BAHCC1: variants seen among roughly 807,000 people sequenced by gnomAD.
BAHCC1 encodes BAH and coiled-coil domain-containing protein 1.
A neutral mutation model predicts 88.2 loss-of-function variants in BAHCC1; 43 were observed. The observed-to-expected ratio is 0.49, with a 90% CI of 0.38 to 0.63. The LOEUF is 0.63. Among genes scored for constraint, BAHCC1 ranks in the 20% least tolerant of loss-of-function variants. The pLI is 0.00. For synonymous variants in BAHCC1, 1,510 were observed against 745.5 expected (o/e 2.03, Z -16.71); for missense variants, 3,023 against 1,654.8 (o/e 1.83, Z -14.34).
chr17:81,418,345 G>C lies in BAHCC1; in HGVS notation c.179-8455G>C, dbSNP rs573534623. Among the ~76,000 whole-genome samples, 5 of 152,298 alleles carry C rather than the reference G, an allele frequency of 3.3e-5. No homozygotes were observed. In the East Asian group the frequency reaches 9.6e-4, roughly 29 times the overall value. On this transcript the variant is annotated intron_variant, in intron 2 of 27. Transcript: ENST00000675386. Reference sequence around the variant, plus strand: ...CTGGGCCTGGCCACGTGACCTGTTGGCTGCCCGCCAGAATCTACAAGACTC... The same window carrying C: ...CTGGGCCTGGCCACGTGACCTGTTGCCTGCCCGCCAGAATCTACAAGACTC...
chr17:81,418,717 A>G (rs2064066954), intron 2 of BAHCC1, among the ~76,000 whole-genome samples: 1 of 152,010 alleles, frequency 6.6e-6, no homozygotes, highest in South Asian at 2.1e-4. Context: ...CCCATGCCCG[A>G]GAACAGAGTC....
At chr17:81,421,905 C>T in intron 2 of BAHCC1, 2 of 392,842 alleles carry the variant, frequency 5.1e-6, no homozygotes, top group South Asian at 3.6e-5. Context: ...GCATGCGACC[C>T]CATGTGATAC....
At chr17:81,400,352 G>C (rs1010859723) in intron 2 of BAHCC1, among the ~76,000 whole-genome samples, 6 of 152,134 alleles carry the variant, frequency 3.9e-5, no homozygotes, top group Non-Finnish European at 5.9e-5. Context: ...GGTACGCCGC[G>C]GCCTCGCGGA....
At chr17:81,432,431 G>A (rs1054784950) in intron 3 of BAHCC1, among the ~76,000 whole-genome samples, 29 of 152,144 alleles carry the variant, frequency 1.9e-4, no homozygotes, top group Middle Eastern at 3.4e-3. Context: ...CCAGGGTGCC[G>A]GCGAAGGTTT....
At chr17:81,439,326 T>A (rs747123468) in intron 4 of BAHCC1, among the ~76,000 whole-genome samples, 9 of 152,178 alleles carry the variant, frequency 5.9e-5, no homozygotes, top group Non-Finnish European at 8.8e-5. Flanking sequence ...TGAGAAGCGA[T>A]ACAGGTGTGG....
chr17:81,408,069 G>A (rs1403877131), intron 2 of BAHCC1, among the ~76,000 whole-genome samples: 3 of 152,180 alleles, frequency 2.0e-5, no homozygotes, highest in African/African-American at 7.2e-5. Flanking sequence ...TCCCTTCAGC[G>A]CCTTCCCCGG....
At chr17:81,438,880 C>G (rs1231414827) in intron 4 of BAHCC1, among the ~76,000 whole-genome samples, 1 of 152,096 alleles carries the variant, frequency 6.6e-6, no homozygotes, top group Non-Finnish European at 1.5e-5. Flanking sequence ...CCTGTGGGGG[C>G]TGGAGGAAGC....
At chr17:81,406,584 G>A (rs1287900179) in intron 2 of BAHCC1, among the ~76,000 whole-genome samples, 55 of 152,230 alleles carry the variant, frequency 3.6e-4, no homozygotes, top group Non-Finnish European at 2.2e-4. Context: ...CACTCCGCTC[G>A]GGCTCCGCCC....
chr17:81,429,953 C>T (rs999550326), intron 3 of BAHCC1, among the ~76,000 whole-genome samples: 3 of 152,298 alleles, frequency 2.0e-5, no homozygotes, highest in East Asian at 3.9e-4. Context: ...AGAGGCAGCC[C>T]GGAGCTGGAG....
chr17:81,458,994 A>C, intron 20 of BAHCC1, 25 bp downstream of exon 20: 1 of 709,542 alleles, frequency 1.4e-6, no homozygotes, highest in Non-Finnish European at 2.6e-6. Flanking sequence ...GAAGGGTGCC[A>C]GCCGCCTGGG....
intron 2 of BAHCC1, chr17:81,402,284 G>A (rs1450704357): frequency 6.6e-6 from 1 of 152,238 alleles, no homozygotes; most frequent in Non-Finnish European, 1.5e-5. Context: ...CCAGCTAGAA[G>A]CATCTGTAGC....
intron 14 of BAHCC1, among the ~76,000 whole-genome samples, chr17:81,454,568 ACCCCCGC>A (rs1313922784): frequency 2.3e-5 from 1 of 42,656 alleles, no homozygotes; most frequent in East Asian, 6.2e-4. Flanking sequence ...ACCTGCCCCT[ACCCCCGC>A]CCCTGGTGGG....
rs201149766 is a variant in BAHCC1 at position 81,460,658 on chromosome 17, G to A, written c.6154G>A (p.Glu2052Lys). 193 of 772,096 alleles carry A rather than the reference G, an allele frequency of 2.5e-4. No individual in the cohort carries two copies. The highest frequency in any genetic ancestry group is 4.0e-4 in the Non-Finnish European group (166 of 414,290). 47.8% of individuals were successfully genotyped at this position (772,096 alleles called of 1,614,324 possible). The change falls in exon 25 of 28, where the codon GAA becomes AAA. Residue 2052 changes from glutamate (E) to lysine (K), a missense_variant. Coordinates refer to ENST00000675386, the MANE Select transcript of BAHCC1 (RefSeq NM_001377448.1). Reference sequence around the variant, plus strand: ...GTCCCCCAAAGCACAGGACGGCCCCGAAGCTTTGAAGACACCTGGGAAAAA... The same window carrying A: ...GTCCCCCAAAGCACAGGACGGCCCCAAAGCTTTGAAGACACCTGGGAAAAA... ...SLSPKAQDGP[E>K]ALKTPGKKSI...
In BAHCC1 at chr17:81,434,467, C is replaced by T. The variant is rs371835848; in HGVS notation, c.359-3903C>T. Among the ~76,000 whole-genome samples the T allele has an allele frequency of 6.6e-6, 1 of 152,200 alleles. No homozygotes were observed. The highest frequency in any genetic ancestry group is 2.4e-5 in the African/African-American group (1 of 41,446). ...AGAAGGTTTTGTCCTCAAAGGCGTG[C>T]GGGCTGGGGCAGGGCGCTCGAGGTG... On this transcript the variant is annotated intron_variant, in intron 3 of 27. Transcript: ENST00000675386. The surrounding 1 kb of genome is among the most constrained non-coding windows in gnomAD (Gnocchi z 4.9).
chr17:81,418,617 G>C (rs74002266), intron 2 of BAHCC1, among the ~76,000 whole-genome samples: 1,922 of 152,270 alleles, frequency 0.013, 43 homozygotes, highest in African/African-American at 0.045. Context: ...AAGAGCCCTT[G>C]CCAAGGTTCA....
chr17:81,419,629 G>C lies in BAHCC1; in HGVS notation c.179-7171G>C, dbSNP rs1246464412. The stretch of plus-strand genomic sequence containing the variant: ...AGGGGAGCCTGAGTGGGTGTGGGTC[G>C]GGGGTGGGAGCTGACGCAGGCGGCG... On this transcript the variant is annotated intron_variant, in intron 2 of 27. Transcript: ENST00000675386. 2.7e-5 allele frequency among the ~76,000 whole-genome samples: 4 copies of C among 149,850 alleles called. No homozygotes were observed. In the South Asian group the frequency reaches 6.4e-4, roughly 24 times the overall value.
chr17:81,401,132 CG>C (rs2143175717), intron 2 of BAHCC1: 1 of 152,282 alleles, frequency 6.6e-6, no homozygotes, highest in South Asian at 2.1e-4. Context: ...ATGGCAGAGA[CG>C]GGGCTAGAAA....
At chr17:81,418,611 G>A (rs2143330324) in intron 2 of BAHCC1, among the ~76,000 whole-genome samples, 1 of 152,288 alleles carries the variant, frequency 6.6e-6, no homozygotes, top group East Asian at 1.9e-4. Context: ...GAGGCCAAGA[G>A]CCCTTGCCAA....
At chr17:81,452,657 G>T (rs906979829) in intron 13 of BAHCC1, 66 bp from the exon 14 acceptor site, 1 of 649,160 alleles carries the variant, frequency 1.5e-6, no homozygotes, top group Non-Finnish European at 2.8e-6. Flanking sequence ...CAATGCCCTC[G>T]GCTGGAACCT....
Sources: allele counts gnomAD v4.1 joint callset (sites outside exome capture counted in the v4.1 genomes callset), GRCh38; gene constraint gnomAD v4.1.1; non-coding constraint Gnocchi (gnomAD v3.1); transcripts MANE v1.5; gene names NCBI Gene and HGNC (gene_info 2026-07-23, HGNC 2026-07-21).